Variants in ZNF202 observed in about 807,000 individuals in gnomAD.
ZNF202 encodes the protein zinc finger protein 202, also known as zinc finger protein with KRAB and SCAN domains 10.
Under a neutral mutation model 54.5 loss-of-function variants are expected in ZNF202, and 22 were observed. The observed-to-expected ratio is 0.40, with a 90% CI of 0.29 to 0.58. The LOEUF (loss-of-function observed/expected upper bound fraction) is 0.58, where lower values mean the gene tolerates loss of function less well. ZNF202 is among the 20% of genes least tolerant of loss of function. The pLI, the probability that ZNF202 is intolerant of heterozygous loss-of-function variation, is 0.39. For missense variants in ZNF202, 644 were observed against 805.5 expected (o/e 0.80, Z 2.43); for synonymous variants, 294 against 301.4 (o/e 0.98, Z 0.26).
At chr11:123,729,539 GGAGAAATGTCC>G (rs6144548) in intron 5 of ZNF202, 65 bp downstream of exon 5, 775,177 of 1,421,190 alleles carry the variant, frequency 0.55, 215,292 homozygotes, top group Middle Eastern at 0.68. Flanking sequence ...CCTTGGTATA[GGAGAAATGTCC>G]GAGAAATGTC....
Position 123,729,192 on chromosome 11 carries a change from T to G in ZNF202, c.636A>C (p.Pro212=). The change falls in exon 6 of 9, where the codon CCA becomes CCC. Residue 212 remains proline, a synonymous_variant. Transcript: ENST00000530393. ...CAGAGCTCCTCTCTGCAGGAAGGTC[T>G]GGGTCCTCGGGCACTGGGACCTCTA... ...QESEVPVPED[P]DLPAERSSGD... The G allele has an allele frequency of 3.1e-6, 5 of 1,613,792 alleles. No individual in the cohort carries two copies. Among genetic ancestry groups the G allele is most frequent in the Non-Finnish European group, 3.4e-6 (4 of 1,180,000 alleles).
chr11:123,741,497 G>C (rs1395997416), intron 1 of ZNF202, 52 bp downstream of exon 1: 1 of 152,144 alleles, frequency 6.6e-6, no homozygotes, highest in Non-Finnish European at 1.5e-5. Flanking sequence ...GCCCGATCTG[G>C]TCCGGCCCGG....
chr11:123,726,275 T>C lies in ZNF202; in HGVS notation c.1669A>G (p.Lys557Glu), dbSNP rs767805340. The change falls in exon 9 of 9, where the codon AAG (lysine) becomes GAG (glutamate). Residue 557 changes from lysine to glutamate, a missense_variant. Lys to Glu is a moderately conservative substitution (Grantham distance 56). Transcript: ENST00000530393. This position sits in a 1 kb window ranked among gnomAD's most constrained non-coding sequence, Gnocchi z 6.0. ...SEHRRYLAHR[K>E]THAAEELYLC... The stretch of plus-strand genomic sequence containing the variant: ...TAGAGTTCCTCAGCAGCGTGCGTCT[T>C]CCGGTGCGCCAGGTACCGCCTGTGT... The C allele has an allele frequency of 6.2e-7, 1 of 1,614,204 alleles. No homozygotes were observed. The highest frequency in any genetic ancestry group is 8.5e-7 in the Non-Finnish European group (1 of 1,180,034).
rs75975034 is a variant in ZNF202, at chr11:123,729,884, C to T, written c.403-59G>A. On this transcript the variant is annotated intron_variant, in intron 4 of 8. Transcript: ENST00000530393. ...GTCAGGAGGAAGTTCTTGGTTGTCA[C>T]GGGAGCTTATTTTAGGAGAAGATGC... The T allele has an allele frequency of 1.3e-3, 1,997 of 1,515,300 alleles. 25 individuals are homozygous for T. In the East Asian group the frequency reaches 0.036, roughly 28 times the overall value. 93.9% of individuals were successfully genotyped at this position (1,515,300 alleles called of 1,614,324 possible).
Position 123,725,802 on chromosome 11 carries a change from C to G in ZNF202, c.*195G>C. 3.3e-6 allele frequency: 2 copies of G among 614,156 alleles called. No individual in the cohort carries two copies. Among genetic ancestry groups the G allele is most frequent in the Admixed American group, 3.2e-5 (1 of 31,298 alleles). 38.0% of individuals were successfully genotyped at this position (614,156 alleles called of 1,614,324 possible). A position where few individuals can be genotyped will look rare whatever the true frequency, so the allele number is the denominator to read the frequency against. ...TCAGGTTGTACTTTGGATGAAACAT[C>G]CCCTCAAGGCGTAGAGGAAGGCTGA... On this transcript the variant is annotated 3_prime_UTR_variant, in exon 9 of 9. Coordinates refer to ENST00000530393, the MANE Select transcript of ZNF202 (RefSeq NM_003455.4).
intron 3 of ZNF202, among the ~76,000 whole-genome samples, chr11:123,732,352 T>C (rs139582067): frequency 1.1e-3 from 166 of 152,326 alleles, no homozygotes; most frequent in African/African-American, 3.5e-3. Flanking sequence ...TACATTAGGT[T>C]GACGTTCATC....
At chr11:123,729,084 TTCA>T (rs1565522670) in intron 6 of ZNF202, 39 bp downstream of exon 6, 8 of 1,604,664 alleles carry the variant, frequency 5.0e-6, no homozygotes, top group Non-Finnish European at 6.0e-6. Flanking sequence ...CCAGTGGTTC[TTCA>T]AACAAATTCT....
rs1861312715 is a variant in ZNF202, at chr11:123,729,600, G to A, written c.613+15C>T. On this transcript the variant is annotated intron_variant, in intron 5 of 8. Transcript: ENST00000530393. Reference sequence around the variant, plus strand: ...CCTTCTGCCACAATCCCCCCTTTCTGCTGATGCTTCCCACCGCTCTCCTGC... The same window carrying A: ...CCTTCTGCCACAATCCCCCCTTTCTACTGATGCTTCCCACCGCTCTCCTGC... The A allele has an allele frequency of 6.5e-7, 1 of 1,535,174 alleles. No individual in the cohort carries two copies. The highest frequency in any genetic ancestry group is 8.7e-7 in the Non-Finnish European group (1 of 1,143,414).
At chr11:123,733,610 T>C (rs1339112047) in intron 3 of ZNF202, among the ~76,000 whole-genome samples, 1 of 152,098 alleles carries the variant, frequency 6.6e-6, no homozygotes, top group Non-Finnish European at 1.5e-5. Flanking sequence ...CAGGCTGGAG[T>C]GCAGTAGTAC....
chr11:123,731,049 T>C, intron 3 of ZNF202, 64 bp from the exon 4 acceptor site: 1 of 760,582 alleles, frequency 1.3e-6, no homozygotes, highest in Non-Finnish European at 2.0e-6. Flanking sequence ...GACAACAGCC[T>C]GAGTTCAATC....
chr11:123,730,840 C>G lies in ZNF202; in HGVS notation c.49G>C (p.Gly17Arg). The change falls in exon 4 of 9, where the codon GGA (glycine) becomes CGA (arginine). Residue 17 changes from glycine to arginine, a missense_variant. Gly to Arg is a moderately radical substitution (Grantham distance 125). Around this residue, in one of 3 missense-constraint regions of ZNF202, gnomAD observed 46 missense variants for 47.4 expected, o/e 0.97. Coordinates refer to ENST00000530393, the MANE Select transcript of ZNF202 (RefSeq NM_003455.4). This position sits in a 1 kb window ranked among gnomAD's most constrained non-coding sequence, Gnocchi z 6.0. ...PEDQDLWEEE[G>R]ILMVKLEDDF... ...TCTTCCAGTTTCACCATCAGAATTC[C>G]CTCTTCTTCCCAAAGATCCTGGTCC... The G allele has an allele frequency of 6.2e-7, 1 of 1,614,162 alleles. No homozygotes were observed. Among genetic ancestry groups the G allele is most frequent in the Non-Finnish European group, 8.5e-7 (1 of 1,180,030 alleles).
chr11:123,725,903 G>A lies in ZNF202; in HGVS notation c.*94C>T, dbSNP rs1321152178. The A allele has an allele frequency of 1.2e-5, 17 of 1,447,150 alleles. No individual in the cohort carries two copies. Among genetic ancestry groups the A allele is most frequent in the East Asian group, 2.3e-5 (1 of 43,480 alleles). 89.6% of individuals were successfully genotyped at this position (1,447,150 alleles called of 1,614,324 possible). The stretch of plus-strand genomic sequence containing the variant: ...CTGAGCAGGTCAGGGAGACTCCCTC[G>A]AAAAGGTCTTCCCAGGCTGACAAGA... On this transcript the variant is annotated 3_prime_UTR_variant, in exon 9 of 9. Coordinates refer to ENST00000530393, the MANE Select transcript of ZNF202 (RefSeq NM_003455.4).
chr11:123,729,816 G>C lies in ZNF202; in HGVS notation c.412C>G (p.His138Asp). 1 of 1,605,310 alleles carries C rather than the reference G, an allele frequency of 6.2e-7. No homozygotes were observed. Among genetic ancestry groups the C allele is most frequent in the South Asian group, 1.1e-5 (1 of 89,466 alleles). ...GACAGGACTTCCTGGCCGTGAACAT[G>C]GACAGTCACCTGGGAATAATTCCAA... ...PRRPRRWVTV[H>D]VHGQEVLSEE... is the part of the protein sequence containing the mutation. Residue 138 changes from histidine (H) to aspartate (D), a missense_variant, in exon 5 of 9, where the codon CAT becomes GAT. Transcript: ENST00000530393.
intron 4 of ZNF202, 121 bp from the exon 5 acceptor site, chr11:123,729,946 G>A: frequency 9.6e-7 from 1 of 1,039,110 alleles, no homozygotes; most frequent in Non-Finnish European, 1.4e-6. Flanking sequence ...CAGACAAGGA[G>A]GGGAAACTCC....
rs114223586 is a variant in ZNF202, at chr11:123,736,063, G to C, written c.-98+4054C>G. ...GTCTTGAGTGTTCCTAGGATGCATAGGATTGGAGAGGAGCTATCAAGGTAA... is the reference window on the plus strand; with the variant it reads ...GTCTTGAGTGTTCCTAGGATGCATACGATTGGAGAGGAGCTATCAAGGTAA... On this transcript the variant is annotated intron_variant, in intron 3 of 8. Coordinates refer to ENST00000530393, the MANE Select transcript of ZNF202 (RefSeq NM_003455.4). Among the ~76,000 whole-genome samples the C allele has an allele frequency of 2.2e-3, 331 of 152,246 alleles. 1 individual carries two copies. Among genetic ancestry groups the C allele is most frequent in the African/African-American group, 7.6e-3 (314 of 41,552 alleles).
chr11:123,727,715 T>G (rs2137318371), intron 7 of ZNF202, 120 bp from the exon 8 acceptor site: 3 of 1,304,846 alleles, frequency 2.3e-6, no homozygotes, highest in East Asian at 4.8e-5. Flanking sequence ...GGTGATGAAA[T>G]CTTTCATCTC....
intron 4 of ZNF202, 93 bp from the exon 5 acceptor site, chr11:123,729,918 A>G (rs941959320): frequency 5.3e-6 from 7 of 1,323,896 alleles, no homozygotes; most frequent in Non-Finnish European, 7.1e-6. Flanking sequence ...GCCTAGAGAA[A>G]ACACTCCCAG....
rs1174309660 is a variant in ZNF202, at chr11:123,726,787, G to C, written c.1157C>G (p.Thr386Ser). 4 of 1,614,104 alleles carry C rather than the reference G, an allele frequency of 2.5e-6. No individual in the cohort carries two copies. Among genetic ancestry groups the C allele is most frequent in the Non-Finnish European group, 3.4e-6 (4 of 1,180,046 alleles). Residue 386 changes from threonine (T) to serine (S), a missense_variant, in exon 9 of 9, where the codon ACT (threonine) becomes AGT (serine). By Grantham distance (58) the Thr-to-Ser change is moderately conservative (BLOSUM62 1). Around this residue, in one of 3 missense-constraint regions of ZNF202, gnomAD observed 536 missense variants for 635.3 expected, o/e 0.84. Coordinates refer to ENST00000530393, the MANE Select transcript of ZNF202 (RefSeq NM_003455.4). This position sits in a 1 kb window ranked among gnomAD's most constrained non-coding sequence, Gnocchi z 6.0. ...QVNSFVNLRE[T>S]TPVHPLLGRH... The stretch of plus-strand genomic sequence containing the variant: ...CCCTAACAGGGGGTGGACGGGTGTA[G>C]TTTCCCGAAGGTTCACAAAACTATT...
rs1384433146 is a variant in ZNF202 at position 123,726,414 on chromosome 11, A to G, written c.1530T>C (p.Phe510=). The part of the protein sequence containing the change: ...QRTHTGEKPF[F]CTICGKSFSQ... ...TGAAGCTTTTGCCACAAATAGTACA[A>G]AAGAAGGGTTTTTCTCCAGTATGTG... is the stretch of plus-strand genomic sequence containing the variant. The change falls in exon 9 of 9, where the codon TTT becomes TTC. Residue 510 remains phenylalanine, a synonymous_variant. Coordinates refer to ENST00000530393, the MANE Select transcript of ZNF202 (RefSeq NM_003455.4). This position sits in a 1 kb window ranked among gnomAD's most constrained non-coding sequence, Gnocchi z 6.0. The G allele has an allele frequency of 6.2e-7, 1 of 1,614,074 alleles. No individual in the cohort carries two copies. Among genetic ancestry groups the G allele is most frequent in the African/African-American group, 1.3e-5 (1 of 74,926 alleles).
Sources: allele counts gnomAD v4.1 joint callset (sites outside exome capture counted in the v4.1 genomes callset), GRCh38; gene constraint gnomAD v4.1.1; regional missense constraint gnomAD v4.1.1; non-coding constraint Gnocchi (gnomAD v3.1); transcripts MANE v1.5; gene names NCBI Gene and HGNC (gene_info 2026-07-23, HGNC 2026-07-21).